The following BBS9 variants were observed in gnomAD, a reference collection of about 807,000 sequenced individuals.
The protein encoded by BBS9 is protein PTHB1.
In BBS9, 89 loss-of-function variants were observed where a neutral mutation model predicts 117.7. The ratio of observed to expected loss-of-function variants is 0.76; its 90% CI spans 0.64 to 0.90. The LOEUF (loss-of-function observed/expected upper bound fraction) is 0.90. Ranked by LOEUF, BBS9 falls within the 40% of genes least tolerant of loss-of-function variation. The pLI is 0.00. For missense variants in BBS9, 982 were observed against 1,042.2 expected (o/e 0.94, Z 0.80); for synonymous variants, 379 against 370.9 (o/e 1.02, Z -0.25).
chr7:33,572,122 A>C (rs948787022), intron 21 of BBS9, among the ~76,000 whole-genome samples: 2 of 152,152 alleles, frequency 1.3e-5, no homozygotes, highest in Admixed American at 6.5e-5. Context: ...AGTAACTGTC[A>C]TTCTACTCTC....
At chr7:33,130,444 G>C (rs970643852) in intron 1 of BBS9, among the ~76,000 whole-genome samples, 2 of 152,176 alleles carry the variant, frequency 1.3e-5, no homozygotes, top group Admixed American at 6.5e-5. Flanking sequence ...CAACAGTTTA[G>C]ATGAGCTGCG....
chr7:33,434,757 A>C (rs1447353125), intron 19 of BBS9, among the ~76,000 whole-genome samples: 1 of 152,192 alleles, frequency 6.6e-6, no homozygotes, highest in Non-Finnish European at 1.5e-5. Context: ...TAATCAAAAC[A>C]AGTTATGTTT....
chr7:33,602,329 C>T (rs1019231767), intron 21 of BBS9, among the ~76,000 whole-genome samples: 5 of 152,142 alleles, frequency 3.3e-5, no homozygotes, highest in African/African-American at 7.2e-5. Flanking sequence ...ATGATGCACC[C>T]GCTGGGCAGG....
intron 5 of BBS9, among the ~76,000 whole-genome samples, chr7:33,215,805 T>A (rs1788941962): frequency 6.6e-6 from 1 of 152,232 alleles, no homozygotes; most frequent in South Asian, 2.1e-4. Flanking sequence ...AAAAAGTAGA[T>A]CTCATGATGA....
At chr7:33,352,624 A>G (rs1363586558) in intron 14 of BBS9, among the ~76,000 whole-genome samples, 3 of 152,034 alleles carry the variant, frequency 2.0e-5, no homozygotes, top group Non-Finnish European at 2.9e-5. Context: ...ATTCTCATAG[A>G]CTTCTGAGAA....
chr7:33,194,274 A>G (rs1784602571), intron 5 of BBS9, among the ~76,000 whole-genome samples: 1 of 152,088 alleles, frequency 6.6e-6, no homozygotes, highest in African/African-American at 2.4e-5. Flanking sequence ...AAATTTTCAG[A>G]ATTTTGTTTA....
At chr7:33,188,344 G>A (rs997339709) in intron 5 of BBS9, among the ~76,000 whole-genome samples, 17 of 152,098 alleles carry the variant, frequency 1.1e-4, no homozygotes, top group Admixed American at 4.6e-4. Context: ...CTCTCAAGAA[G>A]ATTACTTTTC....
Position 33,522,053 on chromosome 7 carries a change from A to G in BBS9, c.2299-11901A>G, listed in dbSNP as rs1258723447. Among the ~76,000 whole-genome samples the G allele has an allele frequency of 4.6e-5, 7 of 151,530 alleles. No individual in the cohort carries two copies. The East Asian group carries it at 1.2e-3, about 25-fold the overall frequency. ...AGAATGATGATTTCCAATTTCATCCATGTCCCTACAAAGGACATGAATTCA... is the reference window on the plus strand; with the variant it reads ...AGAATGATGATTTCCAATTTCATCCGTGTCCCTACAAAGGACATGAATTCA... On this transcript the variant is annotated intron_variant, in intron 20 of 22. Coordinates refer to ENST00000242067, the MANE Select transcript of BBS9 (RefSeq NM_198428.3).
intron 4 of BBS9, among the ~76,000 whole-genome samples, chr7:33,175,662 G>A (rs1797238874): frequency 6.6e-6 from 1 of 152,084 alleles, no homozygotes; most frequent in African/African-American, 2.4e-5. Context: ...GGCTGCCTAC[G>A]ATTGGCTGAA....
At chr7:33,179,340 A>G (rs973812299) in intron 5 of BBS9, among the ~76,000 whole-genome samples, 1 of 152,226 alleles carries the variant, frequency 6.6e-6, no homozygotes, top group East Asian at 1.9e-4. Flanking sequence ...ATGACCTGTT[A>G]GGAACCGGGT....
intron 9 of BBS9, among the ~76,000 whole-genome samples, chr7:33,291,902 T>C (rs1779674285): frequency 6.6e-6 from 1 of 152,144 alleles, no homozygotes; most frequent in South Asian, 2.1e-4. Flanking sequence ...GTGTGTAGTC[T>C]TTAGGGCCGC....
intron 19 of BBS9, among the ~76,000 whole-genome samples, chr7:33,455,353 A>T (rs1049677187): frequency 6.6e-6 from 1 of 152,168 alleles, no homozygotes; most frequent in Non-Finnish European, 1.5e-5. Flanking sequence ...TGAGATAGCG[A>T]TTCTGGGCTA....
chr7:33,134,950 T>G (rs540684119), intron 1 of BBS9, among the ~76,000 whole-genome samples: 2 of 152,302 alleles, frequency 1.3e-5, no homozygotes, highest in Admixed American at 6.5e-5. Context: ...TGGAGTGCAG[T>G]GGTGCAATCA....
intron 6 of BBS9, among the ~76,000 whole-genome samples, chr7:33,257,895 A>T (rs1797348309): frequency 6.6e-6 from 1 of 152,214 alleles, no homozygotes; most frequent in Non-Finnish European, 1.5e-5. Context: ...TACTGGCATG[A>T]ACTGTTAATA....
chr7:33,382,324 A>G (rs1168215874), intron 17 of BBS9, among the ~76,000 whole-genome samples: 2 of 151,968 alleles, frequency 1.3e-5, no homozygotes, highest in African/African-American at 4.8e-5. Context: ...GCTGTGTGTC[A>G]TTGCAGGTAC....
At chr7:33,531,262 CAGAG>C (rs1035781394) in intron 20 of BBS9, among the ~76,000 whole-genome samples, 4 of 152,148 alleles carry the variant, frequency 2.6e-5, no homozygotes, top group East Asian at 1.9e-4. Context: ...GAGAGGGAGA[CAGAG>C]AGAGCGAGCC....
chr7:33,177,631 C>T, intron 5 of BBS9, 40 bp downstream of exon 5: 5 of 1,339,474 alleles, frequency 3.7e-6, no homozygotes, highest in South Asian at 1.2e-5. Flanking sequence ...TTTCAAGTGA[C>T]AGATTTAGAA....
At chr7:33,549,465 G>C (rs1304564939) in intron 21 of BBS9, among the ~76,000 whole-genome samples, 1 of 147,916 alleles carries the variant, frequency 6.8e-6, no homozygotes, top group Non-Finnish European at 1.5e-5. Flanking sequence ...CACAGCAAAA[G>C]AAACTACCAT....
At chr7:33,628,881 G>C (rs1865761409) in intron 21 of BBS9, among the ~76,000 whole-genome samples, 1 of 152,066 alleles carries the variant, frequency 6.6e-6, no homozygotes, top group African/African-American at 2.4e-5. Context: ...ACAAACAATT[G>C]GAAAGTAAAA....
Sources: gnomAD v4.1 joint callset for allele counts (sites outside exome capture counted in the v4.1 genomes callset) on GRCh38, gnomAD v4.1.1 for gene constraint, MANE v1.5 for transcripts, NCBI Gene and HGNC (gene_info 2026-07-23, HGNC 2026-07-21) for gene names.